The following LINGO1 variants were observed in gnomAD, a reference collection of about 807,000 sequenced individuals.
LINGO1 encodes leucine rich repeat and Ig domain containing 1.
LINGO1 carries 11 observed loss-of-function variants against 37.3 expected under a neutral mutation model. The observed-to-expected ratio is 0.29, with a 90% confidence interval of 0.19 to 0.49. The LOEUF is 0.49. Ranked by LOEUF, LINGO1 falls within the 20% of genes least tolerant of loss-of-function variation. The pLI is 0.99. For synonymous variants in LINGO1, 387 were observed against 403.0 expected (o/e 0.96, Z 0.48); for missense variants, 585 against 878.2 (o/e 0.67, Z 4.22).
intron 3 of LINGO1, among the ~76,000 whole-genome samples, chr15:77,671,078 C>T (rs934238192): frequency 5.3e-5 from 8 of 152,206 alleles, no homozygotes; most frequent in East Asian, 1.9e-4. Context: ...CTGACCCTCC[C>T]GCAGGGCCCC....
intron 2 of LINGO1, among the ~76,000 whole-genome samples, chr15:77,690,185 G>C (rs766601404): frequency 6.6e-6 from 1 of 152,128 alleles, no homozygotes; most frequent in Non-Finnish European, 1.5e-5. Flanking sequence ...TGGTAACATG[G>C]TTGGGGAAGG....
intron 1 of LINGO1, among the ~76,000 whole-genome samples, chr15:77,759,182 C>T (rs1050262361): frequency 2.0e-5 from 3 of 152,246 alleles, no homozygotes; most frequent in Non-Finnish European, 2.9e-5. Flanking sequence ...CCCATGCACA[C>T]GCACATGCAT....
chr15:77,663,788 G>C (rs1048963270), intron 3 of LINGO1, among the ~76,000 whole-genome samples: 1 of 152,218 alleles, frequency 6.6e-6, no homozygotes, highest in Non-Finnish European at 1.5e-5. Flanking sequence ...AGGGTCGAGT[G>C]GGGGATGGGG....
intron 3 of LINGO1, among the ~76,000 whole-genome samples, chr15:77,676,522 G>T: frequency 6.6e-6 from 1 of 152,220 alleles, no homozygotes. Flanking sequence ...ATGTCCAGGA[G>T]TGGCGCAGAA....
chr15:77,815,170 C>T (rs1298677211), intron 1 of LINGO1, among the ~76,000 whole-genome samples: 1 of 152,240 alleles, frequency 6.6e-6, no homozygotes, highest in Non-Finnish European at 1.5e-5. Flanking sequence ...GCTGCTATCC[C>T]TCCTCCAGCG....
chr15:77,661,758 C>A (rs2074998669), intron 3 of LINGO1, among the ~76,000 whole-genome samples: 12 of 152,210 alleles, frequency 7.9e-5, no homozygotes, highest in Admixed American at 7.8e-4. Context: ...CCCAGCGGGG[C>A]CTGAGCAAAC....
At position 77,764,164 on chromosome 15, in the gene LINGO1, G is replaced by A. The variant is rs532223679; in HGVS notation, c.-257+22705C>T. 5.9e-5 allele frequency among the ~76,000 whole-genome samples: 9 copies of A among 152,294 alleles called. No homozygotes were observed. In the South Asian group the frequency reaches 1.2e-3, roughly 21 times the overall value. Reference sequence around the variant, plus strand: ...TTATCCCACTCCTGATCCCCACTCCGTCTGCGTTCATGCCCACCATATGTG... The same window carrying A: ...TTATCCCACTCCTGATCCCCACTCCATCTGCGTTCATGCCCACCATATGTG... On this transcript the variant is annotated intron_variant, in intron 1 of 3. Coordinates refer to the LINGO1 transcript ENST00000561686.
At chr15:77,783,346 G>C (rs2076739697) in intron 1 of LINGO1, among the ~76,000 whole-genome samples, 1 of 152,176 alleles carries the variant, frequency 6.6e-6, no homozygotes, top group Non-Finnish European at 1.5e-5. Context: ...GCGGGTGAAT[G>C]AAGGTGTGAA....
intron 1 of LINGO1, among the ~76,000 whole-genome samples, chr15:77,774,020 A>G (rs1311895137): frequency 6.6e-6 from 1 of 152,100 alleles, no homozygotes; most frequent in Non-Finnish European, 1.5e-5. Flanking sequence ...AAGTCCCCAC[A>G]TGGGGAGCCC....
chr15:77,776,483 AGGAAAGCAGGAAG>A (rs2076645945), intron 1 of LINGO1, among the ~76,000 whole-genome samples: 2 of 130,164 alleles, frequency 1.5e-5, no homozygotes, highest in African/African-American at 6.2e-5. Context: ...GCAGGAAGGC[AGGAAAGCAGGAAG>A]GCAGGAAGGC....
intron 3 of LINGO1, among the ~76,000 whole-genome samples, chr15:77,668,984 G>A (rs1475109966): frequency 6.6e-6 from 1 of 152,254 alleles, no homozygotes; most frequent in East Asian, 1.9e-4. Flanking sequence ...TAGACGCTGG[G>A]AAGCAAAGCC....
At chr15:77,794,561 T>TAC (rs761678894) in intron 2 of LINGO1, among the ~76,000 whole-genome samples, 1,293 of 107,600 alleles carry the variant, frequency 0.012, 47 homozygotes, top group African/African-American at 0.027. Context: ...TGTGTATATA[T>TAC]ACACACACAC....
chr15:77,618,074 T>C (rs1052260661), intron 1 of LINGO1, among the ~76,000 whole-genome samples: 12 of 152,118 alleles, frequency 7.9e-5, no homozygotes, highest in Admixed American at 5.9e-4. Context: ...CAATAAGTAA[T>C]TGGGCCGGCA....
intron 2 of LINGO1, among the ~76,000 whole-genome samples, chr15:77,708,631 G>A (rs1324944493): frequency 6.6e-6 from 1 of 152,204 alleles, no homozygotes; most frequent in Non-Finnish European, 1.5e-5. Context: ...TTGGCCGGGC[G>A]CGGTGGCTCA....
intron 3 of LINGO1, among the ~76,000 whole-genome samples, chr15:77,657,109 T>A (rs1428782208): frequency 6.6e-6 from 1 of 152,174 alleles, no homozygotes. Context: ...AAATGGAAGC[T>A]AATGCCAGGC....
rs2075457532 is a variant in LINGO1 at position 77,683,814 on chromosome 15, TG to T, written c.-98-6641del. Among the ~76,000 whole-genome samples, 2 of 145,708 alleles carry T rather than the reference TG, an allele frequency of 1.4e-5. 1 individual carries two copies. The highest frequency in any genetic ancestry group is 4.5e-4 in the South Asian group (2 of 4,396). ...ATTGTTTCCGTTTTTTAATTTTGCT[TG>T]AGCAAATACTGCTTTTATGGTAAAA... On this transcript the variant is annotated intron_variant, in intron 2 of 3. Transcript: ENST00000559893.
chr15:77,671,377 G>A (rs1392835938), intron 3 of LINGO1, among the ~76,000 whole-genome samples: 2 of 152,198 alleles, frequency 1.3e-5, no homozygotes, highest in African/African-American at 4.8e-5. Flanking sequence ...GAAGAAAAGA[G>A]GTGGGGCGAG....
At chr15:77,768,414 C>G (rs1167664098) in intron 1 of LINGO1, among the ~76,000 whole-genome samples, 1 of 152,192 alleles carries the variant, frequency 6.6e-6, no homozygotes, top group African/African-American at 2.4e-5. Flanking sequence ...CTCCTGCGTC[C>G]CAGGCACTGG....
chr15:77,695,345 A>T (rs2075673054), intron 1 of LINGO1, among the ~76,000 whole-genome samples: 1 of 152,118 alleles, frequency 6.6e-6, no homozygotes, highest in African/African-American at 2.4e-5. Context: ...GGCGACACAA[A>T]GAAAGGATAA....
Sources: gnomAD v4.1 joint callset for allele counts (sites outside exome capture counted in the v4.1 genomes callset) on GRCh38, gnomAD v4.1.1 for gene constraint, MANE v1.5 for transcripts, NCBI Gene and HGNC (gene_info 2026-07-23, HGNC 2026-07-21) for gene names.